Variants in PCM1 observed in about 807,000 individuals in gnomAD.
The protein encoded by PCM1 is pericentriolar material 1, also known as pericentriolar material 1 protein.
PCM1 carries 157 observed loss-of-function variants against 241.9 expected under a neutral mutation model. The observed-to-expected ratio is 0.65, with a 90% CI of 0.57 to 0.74. PCM1 has a LOEUF of 0.74. PCM1 is among the 30% of genes least tolerant of loss of function. PCM1 has a pLI of 0.00. For synonymous variants in PCM1, 1,085 were observed against 784.9 expected (o/e 1.38, Z -6.39); for missense variants, 3,478 against 2,360.1 (o/e 1.47, Z -9.81).
At chr8:17,983,029 C>T (rs776970615) in intron 24 of PCM1, among the ~76,000 whole-genome samples, 8 of 152,056 alleles carry the variant, frequency 5.3e-5, no homozygotes, top group Non-Finnish European at 7.4e-5. Flanking sequence ...CATCATCGGT[C>T]GCCTTAATAT....
intron 29 of PCM1, 100 bp downstream of exon 29, chr8:17,993,719 C>A: frequency 1.0e-6 from 1 of 978,852 alleles, no homozygotes; most frequent in Non-Finnish European, 1.4e-6. Flanking sequence ...TATAGGTAAA[C>A]AACAACAAAA....
intron 6 of PCM1, among the ~76,000 whole-genome samples, chr8:17,942,045 A>G (rs1338808285): frequency 6.6e-6 from 1 of 152,098 alleles, no homozygotes; most frequent in Non-Finnish European, 1.5e-5. Context: ...ATTATAGCTT[A>G]CAGCTGTTTT....
At chr8:17,936,616 A>G (rs987756161) in intron 3 of PCM1, among the ~76,000 whole-genome samples, 3 of 152,150 alleles carry the variant, frequency 2.0e-5, no homozygotes, top group Non-Finnish European at 4.4e-5. Flanking sequence ...CCTATTTTGA[A>G]GGTGACACTA....
intron 24 of PCM1, among the ~76,000 whole-genome samples, chr8:17,984,814 A>G (rs1564167007): frequency 6.6e-6 from 1 of 151,934 alleles, no homozygotes; most frequent in African/African-American, 2.4e-5. Context: ...GAAACTGAAA[A>G]CTTCAGTTGG....
intron 15 of PCM1, among the ~76,000 whole-genome samples, chr8:17,960,931 T>C (rs75728170): frequency 0.02 from 3,013 of 152,200 alleles, 113 homozygotes; most frequent in African/African-American, 0.069. Context: ...AGACAGCACA[T>C]AGGAATTGAC....
At chr8:17,929,604 C>A (rs933648335) in intron 2 of PCM1, among the ~76,000 whole-genome samples, 4 of 152,074 alleles carry the variant, frequency 2.6e-5, no homozygotes, top group African/African-American at 9.7e-5. Context: ...TGTCACATAC[C>A]CAGTTTCTAG....
At chr8:18,003,260 A>G (rs190724995) in intron 29 of PCM1, among the ~76,000 whole-genome samples, 7 of 152,338 alleles carry the variant, frequency 4.6e-5, no homozygotes, top group African/African-American at 1.7e-4. Flanking sequence ...AAATGACTGG[A>G]ATCTTCAACC....
In PCM1 at chr8:17,962,095, C is replaced by T. The variant is rs1342377917; in HGVS notation, c.2384C>T (p.Thr795Ile). The T allele has an allele frequency of 3.7e-6, 6 of 1,611,534 alleles. No homozygotes were observed. Among genetic ancestry groups the T allele is most frequent in the South Asian group, 1.1e-5 (1 of 90,766 alleles). ...TKKYMPAVTS[T>I]PTVNQHETST... ...AAATATATGCCAGCTGTTACTTCAA[C>T]CCCAACTGTTAATCAACACGAGACC... The change falls in exon 16 of 39, where the codon ACC becomes ATC. Residue 795 changes from threonine (T) to isoleucine (I), a missense_variant. Transcript: ENST00000325083.
At chr8:18,025,243 C>T (rs577278674) in intron 36 of PCM1, 118 bp from the exon 37 acceptor site, 1 of 521,778 alleles carries the variant, frequency 1.9e-6, no homozygotes, top group East Asian at 3.3e-5. Flanking sequence ...ATTCATAGAG[C>T]TGAATGTAGA....
intron 15 of PCM1, 114 bp from the exon 16 acceptor site, chr8:17,961,920 T>G: frequency 1.3e-6 from 1 of 764,054 alleles, no homozygotes; most frequent in Non-Finnish European, 2.0e-6. Flanking sequence ...CAGGGTCTGA[T>G]AGCAGATTAA....
intron 18 of PCM1, 49 bp from the exon 19 acceptor site, chr8:17,965,950 A>G (rs1217537993): frequency 7.0e-7 from 1 of 1,422,382 alleles, no homozygotes; most frequent in Non-Finnish European, 9.6e-7. Flanking sequence ...TGTATTTTAA[A>G]AACCAAATTA....
chr8:17,972,672 A>C lies in PCM1; in HGVS notation c.3928A>C (p.Arg1310=). Residue 1310 remains arginine, a synonymous_variant, in exon 23 of 39, where the codon AGA becomes CGA. Coordinates refer to ENST00000325083, the MANE Select transcript of PCM1 (RefSeq NM_006197.4). Reference sequence around the variant, plus strand: ...GAGGAATTCTACTCAGCTGAAAAGCAGAGTTAAAAACATCAGTAAGTGTTG... The same window carrying C: ...GAGGAATTCTACTCAGCTGAAAAGCCGAGTTAAAAACATCAGTAAGTGTTG... ...KKRNSTQLKS[R]VKNIRYESAS... 3 of 1,544,852 alleles carry C rather than the reference A, an allele frequency of 1.9e-6. No homozygotes were observed. Among genetic ancestry groups the C allele is most frequent in the Non-Finnish European group, 2.6e-6 (3 of 1,148,296 alleles).
At chr8:17,933,786 C>T (rs1032593581) in intron 2 of PCM1, among the ~76,000 whole-genome samples, 2 of 151,826 alleles carry the variant, frequency 1.3e-5, no homozygotes, top group African/African-American at 4.8e-5. Flanking sequence ...ATTTCTGTTT[C>T]ATATTTGTCT....
In PCM1 at chr8:17,957,358, A is replaced by G. The variant is rs771154498; in HGVS notation, c.1741A>G (p.Asn581Asp). ...NNRDGRTVNS[N>D]CEINNRSAAN... ...TAGAGATGGGCGAACAGTTAATTCT[A>G]ATTGTGAAATTAACAACAGATCTGC... Residue 581 changes from asparagine (N) to aspartate (D), a missense_variant, in exon 12 of 39, where the codon AAT (asparagine) becomes GAT (aspartate). Asn to Asp is a conservative substitution (Grantham distance 23, BLOSUM62 1). Transcript: ENST00000325083. 9.9e-6 allele frequency: 16 copies of G among 1,612,362 alleles called. No individual in the cohort carries two copies. In the African/African-American group the frequency reaches 1.1e-4, roughly 11 times the overall value.
intron 36 of PCM1, among the ~76,000 whole-genome samples, chr8:18,024,099 A>T (rs61307693): frequency 1.3e-4 from 20 of 152,372 alleles, no homozygotes; most frequent in African/African-American, 4.8e-4. Context: ...AATTGCAAAC[A>T]TAAGTGAAAC....
intron 5 of PCM1, 116 bp downstream of exon 5, chr8:17,939,125 T>A (rs914443486): frequency 1.4e-5 from 12 of 860,042 alleles, no homozygotes; most frequent in Non-Finnish European, 2.2e-5. Context: ...ATTAAAGTGC[T>A]TCACTGACCT....
chr8:17,946,095 G>T (rs894126640), intron 6 of PCM1, among the ~76,000 whole-genome samples: 4 of 151,810 alleles, frequency 2.6e-5, no homozygotes, highest in African/African-American at 9.7e-5. Context: ...CCATTTTCTT[G>T]TTGGATTACA....
rs1285609330 is a variant in PCM1, at chr8:18,029,167, A to C, written c.*1505A>C. On this transcript the variant is annotated 3_prime_UTR_variant, in exon 39 of 39. Coordinates refer to ENST00000325083, the MANE Select transcript of PCM1 (RefSeq NM_006197.4). ...GCGAGACTCTGTCTCAAAAAAAAAAAAAAAAAAAAAAAAAAGTTAACTTGC... is the reference window on the plus strand; with the variant it reads ...GCGAGACTCTGTCTCAAAAAAAAAACAAAAAAAAAAAAAAAGTTAACTTGC... 1.1e-5 allele frequency: 2 copies of C among 184,048 alleles called. No individual in the cohort carries two copies. Among genetic ancestry groups the C allele is most frequent in the African/African-American group, 4.7e-5 (2 of 42,652 alleles). 11.4% of individuals were successfully genotyped at this position (184,048 alleles called of 1,614,324 possible). A position where few individuals can be genotyped will look rare whatever the true frequency, so the allele number is the denominator to read the frequency against.
intron 28 of PCM1, among the ~76,000 whole-genome samples, 200 bp downstream of exon 28, chr8:17,991,900 A>G (rs2084779940): frequency 6.6e-6 from 1 of 152,006 alleles, no homozygotes; most frequent in African/African-American, 2.4e-5. Context: ...TATCCTGCTT[A>G]TGTCTTTGCA....
Sources: allele counts gnomAD v4.1 joint callset (sites outside exome capture counted in the v4.1 genomes callset), GRCh38; gene constraint gnomAD v4.1.1; transcripts MANE v1.5; gene names NCBI Gene and HGNC (gene_info 2026-07-23, HGNC 2026-07-21).